The following TRPC4AP variants were observed in gnomAD, a reference collection of about 807,000 sequenced individuals.
The protein encoded by TRPC4AP is short transient receptor potential channel 4-associated protein.
A neutral mutation model predicts 99.0 loss-of-function variants in TRPC4AP; 45 were observed. The observed-to-expected ratio is 0.45, with a 90% CI of 0.36 to 0.58. The LOEUF is 0.58. Ranked by LOEUF, TRPC4AP falls within the 20% of genes least tolerant of loss-of-function variation. The pLI is 0.00. For missense variants in TRPC4AP, 879 were observed against 985.3 expected (o/e 0.89, Z 1.44); for synonymous variants, 408 against 385.8 (o/e 1.06, Z -0.67).
rs150231202 is a variant in TRPC4AP, at chr20:35,086,431, A to ATGTGTGTG, written c.168+6175_168+6182dup. 2.5e-3 allele frequency among the ~76,000 whole-genome samples: 269 copies of ATGTGTGTG among 109,518 alleles called. 15 individuals carry two copies. Among genetic ancestry groups the ATGTGTGTG allele is most frequent in the South Asian group, 0.01 (31 of 3,060 alleles). 71.8% of individuals were successfully genotyped at this position (109,518 alleles called of 152,430 possible). A position where few individuals can be genotyped will look rare whatever the true frequency, so the allele number is the denominator to read the frequency against. On this transcript the variant is annotated intron_variant, in intron 1 of 18. Transcript: ENST00000252015. ...AACTTCCCATTGAAATGAATGGCAT[A>ATGTGTGTG]TGTGTGTGTGTGTGTGTGTGTGTGT...
intron 1 of TRPC4AP, among the ~76,000 whole-genome samples, chr20:35,081,409 G>A (rs964987903): frequency 2.0e-5 from 3 of 151,904 alleles, no homozygotes; most frequent in Admixed American, 1.3e-4. Context: ...AGTTACTCAG[G>A]TAGCTGAGGC....
intron 8 of TRPC4AP, among the ~76,000 whole-genome samples, chr20:35,025,709 G>A (rs1317329885): frequency 6.6e-6 from 1 of 151,880 alleles, no homozygotes; most frequent in African/African-American, 2.4e-5. Context: ...CACAAAAAAC[G>A]TTCTTCCATT....
chr20:35,071,118 ATG>A (rs1238610790), intron 2 of TRPC4AP, among the ~76,000 whole-genome samples: 1 of 152,220 alleles, frequency 6.6e-6, no homozygotes, highest in African/African-American at 2.4e-5. Flanking sequence ...AAATATGAAA[ATG>A]TCTCTTCTTA....
At chr20:35,031,256 G>C (rs919116825) in intron 8 of TRPC4AP, among the ~76,000 whole-genome samples, 8 of 151,218 alleles carry the variant, frequency 5.3e-5, no homozygotes, top group Middle Eastern at 3.2e-3. Context: ...TCTTTTTGGA[G>C]GCAGGGTCTC....
intron 10 of TRPC4AP, among the ~76,000 whole-genome samples, chr20:35,013,555 C>T (rs1402211376): frequency 6.6e-6 from 1 of 152,190 alleles, no homozygotes; most frequent in Non-Finnish European, 1.5e-5. Context: ...GCACTCCAGC[C>T]TGGGTGATGG....
intron 3 of TRPC4AP, among the ~76,000 whole-genome samples, chr20:35,066,651 T>C (rs2084152055): frequency 6.6e-6 from 1 of 151,878 alleles, no homozygotes; most frequent in Non-Finnish European, 1.5e-5. Context: ...AACTGTAAAA[T>C]ATTAGAAGGA....
chr20:35,076,896 C>G, intron 2 of TRPC4AP, among the ~76,000 whole-genome samples: 1 of 152,316 alleles, frequency 6.6e-6, no homozygotes, highest in African/African-American at 2.4e-5. Context: ...TCTCCTTGAG[C>G]TGCGGTGGGC....
chr20:35,078,263 A>C, intron 1 of TRPC4AP, 89 bp from the exon 2 acceptor site: 1 of 1,398,248 alleles, frequency 7.2e-7, no homozygotes, highest in South Asian at 1.4e-5. Flanking sequence ...TTCCAAACCC[A>C]CCCAGGACAG....
chr20:35,054,847 A>C, intron 5 of TRPC4AP, 129 bp downstream of exon 5: 1 of 785,808 alleles, frequency 1.3e-6, no homozygotes, highest in Non-Finnish European at 2.0e-6. Context: ...GGCACACATA[A>C]AATAAGCCCG....
intron 7 of TRPC4AP, among the ~76,000 whole-genome samples, chr20:35,039,330 T>G (rs2083396940): frequency 6.6e-6 from 1 of 152,198 alleles, no homozygotes. Flanking sequence ...ATTCTTGAGC[T>G]GTTGTGAGTC....
chr20:35,009,795 T>C (rs989775201), intron 12 of TRPC4AP, among the ~76,000 whole-genome samples: 4 of 152,184 alleles, frequency 2.6e-5, no homozygotes, highest in African/African-American at 9.7e-5. Context: ...AACCTAACAC[T>C]TGGCAGCAGG....
chr20:35,053,968 C>T (rs577604981), intron 5 of TRPC4AP, among the ~76,000 whole-genome samples: 1 of 152,258 alleles, frequency 6.6e-6, no homozygotes, highest in South Asian at 2.1e-4. Flanking sequence ...GTGTTGGCTG[C>T]TAAGAAGCTT....
intron 3 of TRPC4AP, among the ~76,000 whole-genome samples, chr20:35,059,710 T>TAAG (rs60932055): frequency 2.7e-5 from 4 of 148,514 alleles, no homozygotes; most frequent in Non-Finnish European, 6.0e-5. Flanking sequence ...GAAGAAGAAA[T>TAAG]AAGAAGAAGA....
chr20:35,085,727 G>T (rs1190162489), intron 1 of TRPC4AP, among the ~76,000 whole-genome samples: 1 of 152,106 alleles, frequency 6.6e-6, no homozygotes, highest in Non-Finnish European at 1.5e-5. Flanking sequence ...TATCACATGG[G>T]TTTTCTCTTG....
Position 35,092,704 on chromosome 20 carries a change from G to T in TRPC4AP, c.78C>A (p.Gly26=). The change falls in exon 1 of 19, where the codon GGC becomes GGA. Residue 26 remains glycine, a synonymous_variant. Transcript: ENST00000252015. ...CAGGCCGCGGCCGGCCGCCCCATCC[G>T]CCCCAAGCCGCCACTGTGGCTGCCG... The part of the protein sequence containing the change: ...RRSAATVAAW[G]GWGGRPRPGN... 2 of 1,549,818 alleles carry T rather than the reference G, an allele frequency of 1.3e-6. No individual in the cohort carries two copies. The highest frequency in any genetic ancestry group is 1.7e-6 in the Non-Finnish European group (2 of 1,158,868).
intron 1 of TRPC4AP, among the ~76,000 whole-genome samples, chr20:35,083,383 T>G (rs890903172): frequency 6.6e-6 from 1 of 151,854 alleles, no homozygotes; most frequent in Non-Finnish European, 1.5e-5. Context: ...GCAGATCACC[T>G]GAGATCAAGA....
At chr20:35,088,099 T>C (rs973437750) in intron 1 of TRPC4AP, among the ~76,000 whole-genome samples, 6 of 152,250 alleles carry the variant, frequency 3.9e-5, no homozygotes, top group African/African-American at 7.2e-5. Context: ...ATAGAGCAGT[T>C]ATTAATAACA....
chr20:35,005,676 C>T lies in TRPC4AP; in HGVS notation c.1936+19G>A. The stretch of plus-strand genomic sequence containing the variant: ...TCTTACCCTGCATGACTTGCCTTGA[C>T]AGCCTGCCTTTCATGTACCTTTCAT... On this transcript the variant is annotated intron_variant, in intron 16 of 18. Transcript: ENST00000252015. 6.2e-7 allele frequency: 1 copy of T among 1,610,670 alleles called. No individual in the cohort carries two copies.
chr20:35,037,838 A>T lies in TRPC4AP; in HGVS notation c.866-2530T>A, dbSNP rs76622792. 4.4e-3 allele frequency among the ~76,000 whole-genome samples: 668 copies of T among 152,276 alleles called. 2 individuals carry two copies. The highest frequency in any genetic ancestry group is 0.015 in the African/African-American group (641 of 41,546). On this transcript the variant is annotated intron_variant, in intron 7 of 18. Coordinates refer to ENST00000252015, the MANE Select transcript of TRPC4AP (RefSeq NM_015638.3). ...CCATTATGGTACAACTGCCTACTGT[A>T]TTTAGTACAGAAACATGCTGTACAG...
Sources: allele counts gnomAD v4.1 joint callset (sites outside exome capture counted in the v4.1 genomes callset), GRCh38; gene constraint gnomAD v4.1.1; transcripts MANE v1.5; gene names NCBI Gene and HGNC (gene_info 2026-07-23, HGNC 2026-07-21).